Variants in PLCB1 observed in about 807,000 individuals in gnomAD.
The protein encoded by PLCB1 is 1-phosphatidylinositol 4,5-bisphosphate phosphodiesterase beta-1.
In PLCB1, 46 loss-of-function variants were observed where a neutral mutation model predicts 161.8. The ratio of observed to expected loss-of-function variants is 0.28; its 90% confidence interval spans 0.22 to 0.36. The LOEUF is 0.36. PLCB1 is among the 10% of genes least tolerant of loss of function. The probability of loss-of-function intolerance (pLI) is 1.00; values close to 1 mark genes in which losing one functional copy is unlikely to be tolerated. For missense variants in PLCB1, 1,016 were observed against 1,472.5 expected (o/e 0.69, Z 5.07); for synonymous variants, 517 against 503.7 (o/e 1.03, Z -0.35).
chr20:8,265,729 A>G (rs1426831863), intron 2 of PLCB1, among the ~76,000 whole-genome samples: 3 of 152,232 alleles, frequency 2.0e-5, no homozygotes, highest in Non-Finnish European at 4.4e-5. Flanking sequence ...TAATAATATT[A>G]TTAACAAAAT....
intron 3 of PLCB1, among the ~76,000 whole-genome samples, chr20:8,569,918 G>A (rs1195023607): frequency 6.6e-6 from 1 of 152,134 alleles, no homozygotes; most frequent in Non-Finnish European, 1.5e-5. Flanking sequence ...TCACTGGCTT[G>A]AGCAATGAAA....
chr20:8,436,276 A>C (rs752486127), intron 3 of PLCB1, among the ~76,000 whole-genome samples: 1 of 151,548 alleles, frequency 6.6e-6, no homozygotes, highest in South Asian at 2.1e-4. Context: ...CAGAGGTTGC[A>C]CTGAGATCGC....
At chr20:8,268,019 A>G (rs1465315228) in intron 2 of PLCB1, among the ~76,000 whole-genome samples, 1 of 151,830 alleles carries the variant, frequency 6.6e-6, no homozygotes, top group African/African-American at 2.4e-5. Context: ...CACAACGTGC[A>G]GGTTTGTTAC....
intron 3 of PLCB1, among the ~76,000 whole-genome samples, chr20:8,419,177 G>A (rs113172175): frequency 0.014 from 2,202 of 152,260 alleles, 29 homozygotes; most frequent in Middle Eastern, 0.031. Flanking sequence ...TGTTAAAAAT[G>A]GAAGTTTACT....
intron 2 of PLCB1, among the ~76,000 whole-genome samples, chr20:8,306,596 A>G (rs1032669972): frequency 6.6e-6 from 1 of 152,238 alleles, no homozygotes; most frequent in African/African-American, 2.4e-5. Flanking sequence ...AAGCGAAGTA[A>G]TGTCTGTAAT....
chr20:8,882,807 T>C lies in PLCB1; in HGVS notation c.*958T>C, dbSNP rs566334503. ...TATAGAGAGGAAGATTGAATATTTA[T>C]CTAGAGAATACAAAGACCCACATGT... On this transcript the variant is annotated 3_prime_UTR_variant, in exon 32 of 32. Coordinates refer to ENST00000338037, the MANE Select transcript of PLCB1 (RefSeq NM_015192.4). The C allele has an allele frequency of 6.6e-5, 10 of 152,468 alleles. No homozygotes were observed. The highest frequency in any genetic ancestry group is 2.2e-4 in the African/African-American group (9 of 41,566). The allele number at this position is 152,468 out of a possible 1,614,324, so 9.4% of individuals were successfully genotyped here.
chr20:8,579,890 C>A (rs1986779849), intron 3 of PLCB1, among the ~76,000 whole-genome samples: 1 of 151,906 alleles, frequency 6.6e-6, no homozygotes. Flanking sequence ...TGAGCAAGGT[C>A]TTTTATTGTT....
chr20:8,657,554 G>T (rs1014418342), intron 8 of PLCB1, among the ~76,000 whole-genome samples: 1 of 152,004 alleles, frequency 6.6e-6, no homozygotes, highest in African/African-American at 2.4e-5. Context: ...AAGGATTATG[G>T]GTAGAACAGG....
intron 31 of PLCB1, among the ~76,000 whole-genome samples, chr20:8,870,853 T>C (rs1429734745): frequency 6.6e-6 from 1 of 152,190 alleles, no homozygotes; most frequent in East Asian, 1.9e-4. Context: ...ATCTAGACCC[T>C]GAAGTAATGT....
intron 3 of PLCB1, among the ~76,000 whole-genome samples, chr20:8,391,792 T>C (rs1987602665): frequency 1.5e-5 from 1 of 65,864 alleles, no homozygotes; most frequent in African/African-American, 1.1e-4. Flanking sequence ...TGTGTATATA[T>C]ATATATATAT....
intron 2 of PLCB1, among the ~76,000 whole-genome samples, chr20:8,337,965 T>G (rs1168716829): frequency 1.3e-5 from 2 of 152,116 alleles, no homozygotes; most frequent in Non-Finnish European, 2.9e-5. Flanking sequence ...TTCAGCACAT[T>G]ATGACCATTG....
At chr20:8,705,430 G>T (rs1978615809) in intron 11 of PLCB1, among the ~76,000 whole-genome samples, 2 of 152,136 alleles carry the variant, frequency 1.3e-5, no homozygotes, top group Admixed American at 1.3e-4. Context: ...GAACAGTGAA[G>T]AAAACAAGTT....
intron 3 of PLCB1, among the ~76,000 whole-genome samples, chr20:8,523,480 CTCTCTCTCTCTCTCTCTA>C (rs1237004387): frequency 3.4e-5 from 2 of 59,492 alleles, no homozygotes; most frequent in Non-Finnish European, 6.5e-5. Flanking sequence ...CTCTCTCTCT[CTCTCTCTCTCTCTCTCTA>C]TATATATATA....
chr20:8,785,070 G>A (rs1983418765), intron 27 of PLCB1, among the ~76,000 whole-genome samples: 7 of 151,764 alleles, frequency 4.6e-5, no homozygotes, highest in Admixed American at 3.9e-4. Flanking sequence ...CATACAAAAG[G>A]TATGTCTGTA....
chr20:8,248,272 G>A (rs1366183311), intron 2 of PLCB1, among the ~76,000 whole-genome samples: 3 of 151,898 alleles, frequency 2.0e-5, no homozygotes, highest in African/African-American at 7.2e-5. Flanking sequence ...ATCTGTCACT[G>A]GCTATGGGCC....
chr20:8,502,937 C>A (rs1983485118), intron 3 of PLCB1, among the ~76,000 whole-genome samples: 1 of 152,158 alleles, frequency 6.6e-6, no homozygotes, highest in Admixed American at 6.5e-5. Flanking sequence ...GTCCCCTCTT[C>A]CACTCTACTC....
At chr20:8,648,099 G>A (rs1007767981) in intron 6 of PLCB1, 146 bp downstream of exon 6, 2 of 543,072 alleles carry the variant, frequency 3.7e-6, no homozygotes, top group Non-Finnish European at 3.3e-6. Context: ...CATGTCTCAT[G>A]TCAGTGCAGC....
At chr20:8,368,547 A>AG (rs1394627824) in intron 2 of PLCB1, among the ~76,000 whole-genome samples, 294 of 150,764 alleles carry the variant, frequency 2.0e-3, no homozygotes, top group Non-Finnish European at 3.6e-3. Flanking sequence ...AAAAAAAAAA[A>AG]AAAGAAAAAG....
intron 2 of PLCB1, among the ~76,000 whole-genome samples, chr20:8,255,699 G>A (rs1981373120): frequency 6.6e-6 from 1 of 151,732 alleles, no homozygotes; most frequent in Non-Finnish European, 1.5e-5. Flanking sequence ...AATAAATTAA[G>A]CTTATATAAT....
Sources: allele counts gnomAD v4.1 joint callset (sites outside exome capture counted in the v4.1 genomes callset), GRCh38; gene constraint gnomAD v4.1.1; transcripts MANE v1.5; gene names NCBI Gene and HGNC (gene_info 2026-07-23, HGNC 2026-07-21).